Variants in CACNA1B observed in about 807,000 individuals in gnomAD.
CACNA1B encodes the protein calcium voltage-gated channel subunit alpha1 B.
In CACNA1B, 70 loss-of-function variants were observed where a neutral mutation model predicts 247.2. The ratio of observed to expected loss-of-function variants is 0.28; its 90% confidence interval spans 0.23 to 0.35. The LOEUF is 0.35. Ranked by LOEUF, CACNA1B falls within the 10% of genes least tolerant of loss-of-function variation. The pLI, the probability that CACNA1B is intolerant of heterozygous loss-of-function variation, is 1.00. For missense variants in CACNA1B, 2,367 were observed against 3,197.4 expected (o/e 0.74, Z 6.26); for synonymous variants, 1,231 against 1,294.4 (o/e 0.95, Z 1.05).
At chr9:138,109,875 A>G (rs555798139) in intron 39 of CACNA1B, among the ~76,000 whole-genome samples, 1 of 152,206 alleles carries the variant, frequency 6.6e-6, no homozygotes, top group South Asian at 2.1e-4. Context: ...GTTTGAGACC[A>G]ACTTGGCCAA....
chr9:138,103,669 A>T (rs536201268), intron 38 of CACNA1B, among the ~76,000 whole-genome samples: 1 of 152,170 alleles, frequency 6.6e-6, no homozygotes, highest in African/African-American at 2.4e-5. Context: ...CACCTACTCA[A>T]GAGCCCTCCT....
At chr9:137,942,535 A>G (rs1397495698) in intron 6 of CACNA1B, among the ~76,000 whole-genome samples, 1 of 152,264 alleles carries the variant, frequency 6.6e-6, no homozygotes. Context: ...TGTTTACAGC[A>G]GCACAATTTG....
In CACNA1B at chr9:137,955,838, A is replaced by T. The variant is rs200012947; in HGVS notation, c.1186+25A>T. 2 of 1,440,686 alleles carry T rather than the reference A, an allele frequency of 1.4e-6. No individual in the cohort carries two copies. The highest frequency in any genetic ancestry group is 1.7e-4 in the Middle Eastern group (1 of 5,780). The allele number at this position is 1,440,686 out of a possible 1,614,324, so 89.2% of individuals were successfully genotyped here. A position where few individuals can be genotyped will look rare whatever the true frequency, so the allele number is the denominator to read the frequency against. On this transcript the variant is annotated intron_variant, in intron 8 of 46. Transcript: ENST00000371372. This position sits in a 1 kb window ranked among gnomAD's most constrained non-coding sequence, Gnocchi z 6.9. ...GGTGAGGGCCCGTGGGAGCCACTGC[A>T]CTCCTGGCCGGCCACTGTTAGTTCT...
At position 137,952,902 on chromosome 9, in the gene CACNA1B, C is replaced by A. The variant is rs1370673424; in HGVS notation, c.1070+525C>A. Among the ~76,000 whole-genome samples, 1 of 152,070 alleles carries A rather than the reference C, an allele frequency of 6.6e-6. No homozygotes were observed. Among genetic ancestry groups the A allele is most frequent in the African/African-American group, 2.4e-5 (1 of 41,398 alleles). On this transcript the variant is annotated intron_variant, in intron 7 of 46. Transcript: ENST00000371372. This position sits in a 1 kb window ranked among gnomAD's most constrained non-coding sequence, Gnocchi z 4.8. ...GTGGTGAGAAATAACTGGGGGCACC[C>A]TGATCTCTGTAGCAGTCACCACTGG...
chr9:138,120,723 T>G lies in CACNA1B; in HGVS notation c.6331T>G (p.Ser2111Ala). Reference protein sequence around the residue: ...ERERRQERGRSQERRQPSSSS... With the variant: ...ERERRQERGRAQERRQPSSSS... ...AGAGCGCCGGCAGGAGCGGGGCCGG[T>G]CCCAGGAGCGGAGGCAGCCCTCATC... The change falls in exon 46 of 47, where the codon TCC (serine) becomes GCC (alanine). Residue 2111 changes from serine (S) to alanine (A), a missense_variant. Ser to Ala is a moderately conservative substitution (Grantham distance 99, BLOSUM62 1). Transcript: ENST00000371372. 6.5e-7 allele frequency: 1 copy of G among 1,535,400 alleles called. No homozygotes were observed. The highest frequency in any genetic ancestry group is 1.2e-5 in the South Asian group (1 of 82,092).
At chr9:138,060,368 A>C (rs1254651103) in intron 31 of CACNA1B, among the ~76,000 whole-genome samples, 3 of 152,170 alleles carry the variant, frequency 2.0e-5, no homozygotes, top group Non-Finnish European at 4.4e-5. Context: ...CTCATGTGAA[A>C]TTTATTTCTT....
rs1215985096 is a variant in CACNA1B, at chr9:137,956,752, G to A, written c.1187-19G>A. 2 of 1,612,922 alleles carry A rather than the reference G, an allele frequency of 1.2e-6. No homozygotes were observed. The highest frequency in any genetic ancestry group is 1.3e-5 in the African/African-American group (1 of 74,918). On this transcript the variant is annotated intron_variant, in intron 8 of 46. Coordinates refer to ENST00000371372, the MANE Select transcript of CACNA1B (RefSeq NM_000718.4). ...TGGGGTCAGGAGGGCTCTGACCTGA[G>A]GCTGTGTTCCCCTCGCAGAGGAAGT...
intron 20 of CACNA1B, among the ~76,000 whole-genome samples, chr9:138,041,622 C>T (rs188471420): frequency 5.9e-5 from 9 of 152,140 alleles, no homozygotes; most frequent in African/African-American, 2.2e-4. Context: ...ATATGATTTT[C>T]CATGTTGTAG....
chr9:137,973,981 G>A lies in CACNA1B; in HGVS notation c.1544-1926G>A, dbSNP rs1958187464. Among the ~76,000 whole-genome samples, 1 of 152,204 alleles carries A rather than the reference G, an allele frequency of 6.6e-6. No individual in the cohort carries two copies. The highest frequency in any genetic ancestry group is 2.4e-5 in the African/African-American group (1 of 41,442). Reference sequence around the variant, plus strand: ...CCCCTCCCAGATCTAGGGTGTGGGTGCCAGCAGTCCCATCTCTGGGGCCTC... The same window carrying A: ...CCCCTCCCAGATCTAGGGTGTGGGTACCAGCAGTCCCATCTCTGGGGCCTC... On this transcript the variant is annotated intron_variant, in intron 11 of 46. Coordinates refer to ENST00000371372, the MANE Select transcript of CACNA1B (RefSeq NM_000718.4). The surrounding 1 kb of genome is among the most constrained non-coding windows in gnomAD (Gnocchi z 4.1).
intron 44 of CACNA1B, among the ~76,000 whole-genome samples, chr9:138,119,188 C>T (rs568000943): frequency 7.2e-5 from 11 of 152,256 alleles, no homozygotes; most frequent in South Asian, 2.1e-4. Flanking sequence ...CGTGGTTCTG[C>T]GGAGGACCCT....
intron 40 of CACNA1B, 112 bp from the exon 41 acceptor site, chr9:138,114,266 T>G (rs1961775757): frequency 3.2e-6 from 2 of 634,010 alleles, no homozygotes; most frequent in East Asian, 2.8e-5. Flanking sequence ...TTTCCAGGAG[T>G]CTTTGTGGGG....
intron 6 of CACNA1B, among the ~76,000 whole-genome samples, chr9:137,951,957 T>C (rs1428152161): frequency 6.6e-6 from 1 of 152,142 alleles, no homozygotes; most frequent in Non-Finnish European, 1.5e-5. Context: ...CCTCGGGGCA[T>C]CCACACTGCT....
chr9:138,023,233 G>T lies in CACNA1B; in HGVS notation c.2490G>T (p.Val830=). ...GCCGCGACGGCGCGCGGGGGCCCGT[G>T]GGAGGCAAAGCCCGACCTGAGGCTG... is the stretch of plus-strand genomic sequence containing the variant. ...ELGRDGARGP[V]GGKARPEAAE... is the part of the protein sequence containing the mutation. The change falls in exon 19 of 47, where the codon GTG becomes GTT. Residue 830 remains valine, a synonymous_variant. Coordinates refer to ENST00000371372, the MANE Select transcript of CACNA1B (RefSeq NM_000718.4). 1 of 1,512,818 alleles carries T rather than the reference G, an allele frequency of 6.6e-7. No homozygotes were observed. Among genetic ancestry groups the T allele is most frequent in the Non-Finnish European group, 8.8e-7 (1 of 1,138,936 alleles). 93.7% of individuals were successfully genotyped at this position (1,512,818 alleles called of 1,614,324 possible).
At chr9:138,024,909 G>A (rs1425398691) in intron 19 of CACNA1B, 46 bp from the exon 20 acceptor site, 2 of 1,361,984 alleles carry the variant, frequency 1.5e-6, no homozygotes, top group Admixed American at 2.0e-5. Context: ...CGGGATCACA[G>A]GTGTGAGCCA....
At chr9:137,935,465 G>A (rs1439505637) in intron 6 of CACNA1B, among the ~76,000 whole-genome samples, 1 of 152,102 alleles carries the variant, frequency 6.6e-6, no homozygotes, top group Non-Finnish European at 1.5e-5. Flanking sequence ...AGTATTCCAT[G>A]GTGTATATGT....
chr9:138,075,749 TG>T, intron 34 of CACNA1B, 69 bp from the exon 35 acceptor site: 1 of 1,000,802 alleles, frequency 1.0e-6, no homozygotes, highest in Admixed American at 2.0e-5. Context: ...ACGCCCTCTC[TG>T]GCTCGGTCCA....
At chr9:138,000,864 A>T (rs1304853930) in intron 15 of CACNA1B, among the ~76,000 whole-genome samples, 29 of 152,220 alleles carry the variant, frequency 1.9e-4, no homozygotes, top group Admixed American at 1.8e-3. Context: ...AATTAAAAAA[A>T]TCTCTTTTTC....
In CACNA1B at chr9:138,078,138, C is replaced by T. The variant is rs201534051; in HGVS notation, c.4974C>T (p.His1658=). 6.9e-5 allele frequency: 112 copies of T among 1,613,896 alleles called. No homozygotes were observed. Among genetic ancestry groups the T allele is most frequent in the African/African-American group, 5.6e-4 (42 of 75,048 alleles). ...GGAGCGCCACGGGGGAGGCCTGGCA[C>T]GAGATCATGCTGTCCTGCCTGAGCA... ...LFRSATGEAW[H]EIMLSCLSNQ... Residue 1658 remains histidine, a synonymous_variant, in exon 36 of 47, where the codon CAC becomes CAT. Coordinates refer to ENST00000371372, the MANE Select transcript of CACNA1B (RefSeq NM_000718.4).
Position 138,058,199 on chromosome 9 carries a change from C to G in CACNA1B, c.4257C>G (p.Phe1419Leu). 1 of 1,614,008 alleles carries G rather than the reference C, an allele frequency of 6.2e-7. No individual in the cohort carries two copies. The highest frequency in any genetic ancestry group is 8.5e-7 in the Non-Finnish European group (1 of 1,179,850). ...NIFVALIIITFQEQGDKVMSE... is the reference protein window; with the variant it reads ...NIFVALIIITLQEQGDKVMSE... ...TTGTGGCTTTGATCATCATCACCTT[C>G]CAGGAGCAGGGGGACAAGGTGATGT... The change falls in exon 28 of 47, where the codon TTC becomes TTG. Residue 1419 changes from phenylalanine to leucine, a missense_variant. Transcript: ENST00000371372. This position sits in a 1 kb window ranked among gnomAD's most constrained non-coding sequence, Gnocchi z 4.7.
Sources: allele counts gnomAD v4.1 joint callset (sites outside exome capture counted in the v4.1 genomes callset), GRCh38; gene constraint gnomAD v4.1.1; non-coding constraint Gnocchi (gnomAD v3.1); transcripts MANE v1.5; gene names NCBI Gene and HGNC (gene_info 2026-07-23, HGNC 2026-07-21).